The following FBN2 variants were observed in gnomAD, a reference collection of about 807,000 sequenced individuals.
FBN2 encodes the protein fibrillin-2.
A neutral mutation model predicts 355.6 loss-of-function variants in FBN2; 105 were observed. The observed-to-expected ratio is 0.30, with a 90% confidence interval of 0.25 to 0.35. FBN2 has a LOEUF of 0.35. Among genes scored for constraint, FBN2 ranks in the 10% least tolerant of loss-of-function variants. The probability of loss-of-function intolerance (pLI) is 1.00; values close to 1 mark genes in which losing one functional copy is unlikely to be tolerated. For missense variants in FBN2, 3,280 were observed against 3,758.7 expected, an observed-to-expected ratio of 0.87 and a Z score of 3.33; for synonymous variants, 1,350 against 1,301.2, an observed-to-expected ratio of 1.04 and a Z score of -0.81.
chr5:128,262,628 G>A (rs1765005001), intron 63 of FBN2, among the ~76,000 whole-genome samples: 1 of 152,186 alleles, frequency 6.6e-6, no homozygotes, highest in South Asian at 2.1e-4. Context: ...ATTTTGGTTA[G>A]TGAGTCAATG....
chr5:128,492,916 G>A (rs145321844), intron 5 of FBN2, among the ~76,000 whole-genome samples: 40 of 150,360 alleles, frequency 2.7e-4, no homozygotes, highest in African/African-American at 5.9e-4. Context: ...AGTGTAAAGC[G>A]TAAAAAAAAA....
intron 33 of FBN2, among the ~76,000 whole-genome samples, chr5:128,329,178 A>G (rs1750629281): frequency 6.6e-6 from 1 of 152,180 alleles, no homozygotes; most frequent in South Asian, 2.1e-4. Flanking sequence ...ATTAATCTTA[A>G]AATGGTGATC....
chr5:128,377,640 C>T (rs1752113333), intron 13 of FBN2, 112 bp downstream of exon 13: 1 of 1,109,916 alleles, frequency 9.0e-7, no homozygotes, highest in Non-Finnish European at 1.4e-6. Context: ...CCTAAGTTAC[C>T]TGAAGATCTC....
intron 7 of FBN2, among the ~76,000 whole-genome samples, chr5:128,415,138 G>A (rs1300839115): frequency 6.6e-6 from 1 of 152,110 alleles, no homozygotes; most frequent in Non-Finnish European, 1.5e-5. Flanking sequence ...CGCACAGAAT[G>A]TGTAATGATC....
In FBN2 at chr5:128,297,904, G is replaced by A. The variant is rs868701259; in HGVS notation, c.6166+2913C>T. 1.2e-3 allele frequency among the ~76,000 whole-genome samples: 185 copies of A among 151,100 alleles called. 1 individual carries two copies. Among genetic ancestry groups the A allele is most frequent in the African/African-American group, 3.7e-3 (153 of 41,116 alleles). On this transcript the variant is annotated intron_variant, in intron 48 of 64. Coordinates refer to ENST00000262464, the MANE Select transcript of FBN2 (RefSeq NM_001999.4). ...ATGACGTTAGCTGGTTATTTTGCTC[G>A]TTAGTTGATGCAGTTTCTTCCTAGT... is the stretch of plus-strand genomic sequence containing the variant.
chr5:128,292,051 C>A (rs1749338791), intron 48 of FBN2, among the ~76,000 whole-genome samples: 1 of 152,110 alleles, frequency 6.6e-6, no homozygotes. Flanking sequence ...CTATTTCTCT[C>A]CTTTTTTCAC....
chr5:128,287,096 G>A (rs1315716707), intron 54 of FBN2, among the ~76,000 whole-genome samples: 1 of 152,064 alleles, frequency 6.6e-6, no homozygotes, highest in African/African-American at 2.4e-5. Context: ...TGAGAATAGT[G>A]GGCTTCTCAA....
At chr5:128,298,835 C>T (rs1381609766) in intron 48 of FBN2, among the ~76,000 whole-genome samples, 3 of 152,224 alleles carry the variant, frequency 2.0e-5, no homozygotes, top group Non-Finnish European at 2.9e-5. Flanking sequence ...CTTCTCTCAG[C>T]TCGTCAAAGT....
At chr5:128,475,103 T>C (rs540552106) in intron 5 of FBN2, among the ~76,000 whole-genome samples, 2 of 152,320 alleles carry the variant, frequency 1.3e-5, no homozygotes, top group South Asian at 2.1e-4. Context: ...GAACCATTCC[T>C]GGCTCCTGGA....
At chr5:128,497,126 C>T (rs910238450) in intron 5 of FBN2, among the ~76,000 whole-genome samples, 5 of 152,210 alleles carry the variant, frequency 3.3e-5, no homozygotes, top group Admixed American at 2.0e-4. Context: ...TGAAGGATAT[C>T]CTTTCCTAAG....
intron 5 of FBN2, among the ~76,000 whole-genome samples, chr5:128,490,759 C>T (rs1203294328): frequency 6.6e-6 from 1 of 152,124 alleles, no homozygotes; most frequent in African/African-American, 2.4e-5. Context: ...ATGATAAATG[C>T]TGAAATCTAA....
intron 55 of FBN2, 42 bp downstream of exon 55, chr5:128,286,676 G>A: frequency 6.2e-7 from 1 of 1,612,102 alleles, no homozygotes. Flanking sequence ...GAGGCTGGGA[G>A]TGGAGGCATT....
rs771788825 is a variant in FBN2 at position 128,395,224 on chromosome 5, G to C, written c.1129C>G (p.Gln377Glu). The change falls in exon 9 of 65, where the codon CAA (glutamine) becomes GAA (glutamate). Residue 377 changes from glutamine to glutamate, a missense_variant. By Grantham distance (29) the Gln-to-Glu change is conservative. Coordinates refer to ENST00000262464, the MANE Select transcript of FBN2 (RefSeq NM_001999.4). ...FSGLVNGRCA[Q>E]ELPGRMTKMQ... is the part of the protein sequence containing the mutation. Reference sequence around the variant, plus strand: ...TTCGTCATTCTCCCCGGGAGCTCTTGTGCACAGCGGCCATTCACCAGGCCC... The same window carrying C: ...TTCGTCATTCTCCCCGGGAGCTCTTCTGCACAGCGGCCATTCACCAGGCCC... 1 of 1,614,126 alleles carries C rather than the reference G, an allele frequency of 6.2e-7. No homozygotes were observed. The highest frequency in any genetic ancestry group is 8.5e-7 in the Non-Finnish European group (1 of 1,180,012).
chr5:128,290,801 A>AGTGGTGTAGTAAGCTT lies in FBN2; in HGVS notation c.6375_6376insAAGCTTACTACACCAC (p.Cys2126LysfsTer9). On this transcript the variant is annotated frameshift_variant, in exon 50 of 65. Coordinates refer to ENST00000262464, the MANE Select transcript of FBN2 (RefSeq NM_001999.4). LOFTEE classifies it high-confidence loss of function. ...TCTCCTGGCATCTTACTACAGCAGCATTTTGCTTTTGTGGTGTTGAAAGCT... is the reference window on the plus strand; with the variant it reads ...TCTCCTGGCATCTTACTACAGCAGCAGTGGTGTAGTAAGCTTTTTTGCTTTTGTGGTGTTGAAAGCT... The AGTGGTGTAGTAAGCTT allele has an allele frequency of 6.2e-7, 1 of 1,614,136 alleles. No homozygotes were observed. Among genetic ancestry groups the AGTGGTGTAGTAAGCTT allele is most frequent in the Non-Finnish European group, 8.5e-7 (1 of 1,179,994 alleles).
Position 128,369,212 on chromosome 5 carries a change from G to T in FBN2, c.2218C>A (p.Pro740Thr). The change falls in exon 16 of 65, where the codon CCC (proline) becomes ACC (threonine). Residue 740 changes from proline to threonine, a missense_variant. Pro to Thr is a conservative substitution (Grantham distance 38). This residue lies in a region of FBN2 where 2,284 missense variants were observed against 2,749.5 expected (regional missense o/e 0.83). Coordinates refer to ENST00000262464, the MANE Select transcript of FBN2 (RefSeq NM_001999.4). ...TTTTTTGCAGGGCATGGCTGGCAGG[G>T]TTCTCCAAAACCATAGTCTGGATTG... is the stretch of plus-strand genomic sequence containing the variant. ...CANPDYGFGEPCQPCPAKNSA... is the reference protein window; with the variant it reads ...CANPDYGFGETCQPCPAKNSA... 1 of 1,614,140 alleles carries T rather than the reference G, an allele frequency of 6.2e-7. No homozygotes were observed. The highest frequency in any genetic ancestry group is 8.5e-7 in the Non-Finnish European group (1 of 1,180,034).
intron 6 of FBN2, among the ~76,000 whole-genome samples, chr5:128,457,334 A>G (rs1420155673): frequency 6.6e-6 from 1 of 152,216 alleles, no homozygotes; most frequent in Non-Finnish European, 1.5e-5. Context: ...TGACTGGAGT[A>G]CCAGGAGGAG....
chr5:128,509,081 T>G (rs1756042532), intron 5 of FBN2, among the ~76,000 whole-genome samples: 1 of 152,136 alleles, frequency 6.6e-6, no homozygotes, highest in African/African-American at 2.4e-5. Context: ...ATAATTTTCT[T>G]CAAGTTTCTT....
At chr5:128,470,045 A>T (rs1426871192) in intron 5 of FBN2, among the ~76,000 whole-genome samples, 1 of 152,250 alleles carries the variant, frequency 6.6e-6, no homozygotes, top group Non-Finnish European at 1.5e-5. Context: ...TATAGTTAAA[A>T]GAGAAACGAG....
intron 7 of FBN2, among the ~76,000 whole-genome samples, chr5:128,445,306 A>G (rs188931084): frequency 3.9e-5 from 6 of 152,338 alleles, no homozygotes; most frequent in Non-Finnish European, 2.9e-5. Flanking sequence ...GTATATAACT[A>G]TAACAATTAA....
Sources: gnomAD v4.1 joint callset for allele counts (sites outside exome capture counted in the v4.1 genomes callset) on GRCh38, gnomAD v4.1.1 for gene constraint, gnomAD v4.1.1 regional missense constraint, MANE v1.5 for transcripts, NCBI Gene and HGNC (gene_info 2026-07-23, HGNC 2026-07-21) for gene names.